SZT2: variants seen among roughly 807,000 people sequenced by gnomAD.
SZT2 encodes SZT2 subunit of KICSTOR complex.
In SZT2, 216 loss-of-function variants were observed where a neutral mutation model predicts 404.2. That is an observed-to-expected ratio of 0.53 (90% confidence interval 0.48 to 0.60). The LOEUF (loss-of-function observed/expected upper bound fraction) is 0.60. Ranked by LOEUF, SZT2 falls within the 20% of genes least tolerant of loss-of-function variation. The pLI is 0.00. For missense variants in SZT2, 3,857 were observed against 4,459.2 expected (o/e 0.86, Z 3.85); for synonymous variants, 1,693 against 1,749.9 (o/e 0.97, Z 0.81).
intron 52 of SZT2, 58 bp downstream of exon 52, chr1:43,440,644 C>G: frequency 6.7e-7 from 1 of 1,484,526 alleles, no homozygotes; most frequent in Non-Finnish European, 8.9e-7. Context: ...CTAGCTCCTC[C>G]CACACTCCCT....
In SZT2 at chr1:43,431,002, A is replaced by C. The variant is rs2153933930; in HGVS notation, c.4828A>C (p.Arg1610=). The change falls in exon 33 of 72, where the codon AGG becomes CGG. Residue 1610 remains arginine (R), a synonymous_variant. Coordinates refer to ENST00000634258, the MANE Select transcript of SZT2 (RefSeq NM_001365999.1). ...CCCAGTTGGAGGCCGAGTTCCCTTG[A>C]GGGACCTCAGTGTGACTCTGGATGT... ...GPPVGGRVPL[R]DLSVTLDVFM... 1 of 1,614,108 alleles carries C rather than the reference A, an allele frequency of 6.2e-7. No homozygotes were observed. Among genetic ancestry groups the C allele is most frequent in the Non-Finnish European group, 8.5e-7 (1 of 1,180,010 alleles).
In SZT2 at chr1:43,453,239, G is replaced by A. The variant is rs1458567051; in HGVS notation, c.*2759G>A. On this transcript the variant is annotated 3_prime_UTR_variant, in exon 72 of 72. Coordinates refer to ENST00000634258, the MANE Select transcript of SZT2 (RefSeq NM_001365999.1). The stretch of plus-strand genomic sequence containing the variant: ...GGCATAAGACAGATAAAATACAAAA[G>A]GCAATTTACAAAGGACCAGGACCGC... The A allele has an allele frequency of 9.3e-6, 6 of 646,438 alleles. No homozygotes were observed. The South Asian group carries it at 9.6e-5, about 10-fold the overall frequency. 40.0% of individuals were successfully genotyped at this position (646,438 alleles called of 1,614,324 possible).
chr1:43,404,694 GA>G, intron 4 of SZT2, 144 bp downstream of exon 4: 1 of 783,730 alleles, frequency 1.3e-6, no homozygotes, highest in South Asian at 2.0e-5. Context: ...TCATCCTCAT[GA>G]GTCTCTCTCT....
Position 43,439,986 on chromosome 1 carries a change from C to A in SZT2, c.7148C>A (p.Ala2383Asp). 6.2e-7 allele frequency: 1 copy of A among 1,614,160 alleles called. No homozygotes were observed. Among genetic ancestry groups the A allele is most frequent in the Non-Finnish European group, 8.5e-7 (1 of 1,179,998 alleles). ...CGAGGAGCAGCTCGCCAGGCCCTGG[C>A]CGATGCCATCATCGAGCTTCAGCTG... ...KLRGAARQAL[A>D]DAIIELQLLP... The change falls in exon 51 of 72, where the codon GCC (alanine) becomes GAC (aspartate). Residue 2383 changes from alanine to aspartate, a missense_variant. Transcript: ENST00000634258. The surrounding 1 kb of genome is among the most constrained non-coding windows in gnomAD (Gnocchi z 4.2).
At chr1:43,404,285 G>A (rs1473214976) in intron 3 of SZT2, 95 bp from the exon 4 acceptor site, 11 of 1,070,148 alleles carry the variant, frequency 1.0e-5, no homozygotes, top group African/African-American at 1.6e-5. Context: ...TCATCCATAA[G>A]TTAAGTGTCC....
chr1:43,401,157 G>C (rs982417319), intron 1 of SZT2, among the ~76,000 whole-genome samples: 3 of 152,052 alleles, frequency 2.0e-5, no homozygotes, highest in African/African-American at 7.2e-5. Context: ...ACTCCTAGGT[G>C]CAAACGGCCT....
intron 1 of SZT2, 142 bp downstream of exon 1, chr1:43,390,137 C>T: frequency 1.0e-6 from 1 of 981,252 alleles, no homozygotes; most frequent in South Asian, 2.5e-5. Flanking sequence ...CCGGAAGGCC[C>T]GACTATGGTA....
rs753832485 is a variant in SZT2 at position 43,424,281 on chromosome 1, C to G, written c.2320C>G (p.Leu774Val). The change falls in exon 16 of 72, where the codon CTG (leucine) becomes GTG (valine). Residue 774 changes from leucine (L) to valine (V), a missense_variant. Transcript: ENST00000634258. This position sits in a 1 kb window ranked among gnomAD's most constrained non-coding sequence, Gnocchi z 4.1. ...FLLTLEPPGP[L>V]PLVSGRSASS... The stretch of plus-strand genomic sequence containing the variant: ...GCTGACATTGGAGCCACCAGGTCCA[C>G]TGCCCTTGGTGTCAGGCCGCTCAGC... The G allele has an allele frequency of 6.3e-7, 1 of 1,598,034 alleles. No homozygotes were observed. The highest frequency in any genetic ancestry group is 8.5e-7 in the Non-Finnish European group (1 of 1,179,566).
At position 43,450,556 on chromosome 1, in the gene SZT2, T is replaced by C. The variant is rs1656274231; in HGVS notation, c.*76T>C. The C allele has an allele frequency of 2.5e-6, 4 of 1,585,498 alleles. No homozygotes were observed. The Admixed American group carries it at 5.1e-5, about 20-fold the overall frequency. On this transcript the variant is annotated 3_prime_UTR_variant, in exon 72 of 72. Coordinates refer to ENST00000634258, the MANE Select transcript of SZT2 (RefSeq NM_001365999.1). This position sits in a 1 kb window ranked among gnomAD's most constrained non-coding sequence, Gnocchi z 4.3. Reference sequence around the variant, plus strand: ...CCAGATTGCCTGCCAGAGGCAGGACTGACCAGCCCTTCTGGGCCCCAGGGC... The same window carrying C: ...CCAGATTGCCTGCCAGAGGCAGGACCGACCAGCCCTTCTGGGCCCCAGGGC...
chr1:43,431,511 C>T lies in SZT2; in HGVS notation c.5076C>T (p.Thr1692=). 6.2e-7 allele frequency: 1 copy of T among 1,614,178 alleles called. No individual in the cohort carries two copies. The highest frequency in any genetic ancestry group is 8.5e-7 in the Non-Finnish European group (1 of 1,180,026). ...LATPHRLAIE[T]TMNEIRWLLE... ...CGCCCCACAGACTGGCTATTGAGAC[C>T]ACCATGAATGAGGTGAGCCCCCCAC... Residue 1692 remains threonine (T), a synonymous_variant, in exon 35 of 72, where the codon ACC becomes ACT. Coordinates refer to ENST00000634258, the MANE Select transcript of SZT2 (RefSeq NM_001365999.1).
In SZT2 at chr1:43,406,849, G is replaced by A. The variant is rs1178849094; in HGVS notation, c.498+2299G>A. 2.0e-5 allele frequency: 3 copies of A among 152,252 alleles called. No individual in the cohort carries two copies. In the East Asian group the frequency reaches 5.8e-4, roughly 29 times the overall value. 9.4% of individuals were successfully genotyped at this position (152,252 alleles called of 1,614,324 possible). A position where few individuals can be genotyped will look rare whatever the true frequency, so the allele number is the denominator to read the frequency against. ...GATATTAACATTGCTTATATCATATGGTGATTGAATTAATACATGTCAAGC... is the reference window on the plus strand; with the variant it reads ...GATATTAACATTGCTTATATCATATAGTGATTGAATTAATACATGTCAAGC... On this transcript the variant is annotated intron_variant, in intron 4 of 71. Transcript: ENST00000634258.
intron 12 of SZT2, 101 bp from the exon 13 acceptor site, chr1:43,422,379 A>G (rs1652473695): frequency 1.3e-6 from 2 of 1,495,546 alleles, no homozygotes; most frequent in African/African-American, 1.4e-5. Context: ...TTCAGTCCCC[A>G]TAACCTCAGG....
At position 43,431,092 on chromosome 1, in the gene SZT2, TGTGGCAGCAAGTTTG is replaced by T; in HGVS notation, c.4916+7_4916+21del. ...GGCCTCGGACCCTCAGCACCACCGG[TGTGGCAGCAAGTTTG>T]GTGGGGGGTTTGGGACCTTTTTAGG... On this transcript the variant is annotated splice_donor_5th_base_variant and intron_variant, in intron 33 of 71. Transcript: ENST00000634258. The T allele has an allele frequency of 1.2e-6, 2 of 1,611,796 alleles. No individual in the cohort carries two copies. The highest frequency in any genetic ancestry group is 1.7e-6 in the Non-Finnish European group (2 of 1,179,264).
chr1:43,454,099 G>T lies in SZT2; in HGVS notation c.*3619G>T. On this transcript the variant is annotated 3_prime_UTR_variant, in exon 72 of 72. Coordinates refer to ENST00000634258, the MANE Select transcript of SZT2 (RefSeq NM_001365999.1). ...GGCCTGAGAGCCGGACGCGAAGCAA[G>T]AGAGAGCTGGCTGCCCGAGGGCCCG... The T allele has an allele frequency of 9.3e-7, 1 of 1,078,360 alleles. No homozygotes were observed. The highest frequency in any genetic ancestry group is 5.6e-5 in the East Asian group (1 of 17,778). 66.8% of individuals were successfully genotyped at this position (1,078,360 alleles called of 1,614,324 possible).
chr1:43,446,474 G>T, intron 65 of SZT2, 58 bp downstream of exon 65: 1 of 1,601,430 alleles, frequency 6.2e-7, no homozygotes, highest in Non-Finnish European at 8.6e-7. Context: ...GGGCAGCATG[G>T]CTCCATGTCC....
rs1355377557 is a variant in SZT2 at position 43,453,999 on chromosome 1, C to A, written c.*3519C>A. The A allele has an allele frequency of 2.3e-5, 27 of 1,178,678 alleles. No individual in the cohort carries two copies. Among genetic ancestry groups the A allele is most frequent in the Non-Finnish European group, 2.8e-5 (27 of 954,420 alleles). The allele number at this position is 1,178,678 out of a possible 1,614,324, so 73.0% of individuals were successfully genotyped here. A position where few individuals can be genotyped will look rare whatever the true frequency, so the allele number is the denominator to read the frequency against. On this transcript the variant is annotated 3_prime_UTR_variant, in exon 72 of 72. Coordinates refer to ENST00000634258, the MANE Select transcript of SZT2 (RefSeq NM_001365999.1). ...GCGAGAGAGGGATCACGGGGAGAGG[C>A]GAAGGGGCGGAGCGAGGGCGGCCGG...
rs954545899 is a variant in SZT2, at chr1:43,425,652, C to T, written c.2814+10C>T. Reference sequence around the variant, plus strand: ...TGAGATCCCGCAAGCTGTGAGTGTCCTCAGAACAGTACCCGCACCTCTCTC... The same window carrying T: ...TGAGATCCCGCAAGCTGTGAGTGTCTTCAGAACAGTACCCGCACCTCTCTC... On this transcript the variant is annotated intron_variant, in intron 19 of 71. Coordinates refer to ENST00000634258, the MANE Select transcript of SZT2 (RefSeq NM_001365999.1). The surrounding 1 kb of genome is among the most constrained non-coding windows in gnomAD (Gnocchi z 4.3). The T allele has an allele frequency of 7.4e-6, 12 of 1,613,416 alleles. No homozygotes were observed. The highest frequency in any genetic ancestry group is 1.0e-5 in the Non-Finnish European group (12 of 1,179,986).
Position 43,403,209 on chromosome 1 carries a change from G to T in SZT2, c.60G>T (p.Met20Ile), listed in dbSNP as rs896591242. Residue 20 changes from methionine to isoleucine, a missense_variant, in exon 2 of 72, where the codon ATG becomes ATT. Met to Ile is a conservative substitution (Grantham distance 10). Transcript: ENST00000634258. ...VEEAGQVFLL[M>I]KKDYRISRNV... Reference sequence around the variant, plus strand: ...AAGCTGGGCAGGTGTTCCTGTTAATGAAAAAGGATTATCGAATCTCCCGAA... The same window carrying T: ...AAGCTGGGCAGGTGTTCCTGTTAATTAAAAAGGATTATCGAATCTCCCGAA... 2 of 1,614,028 alleles carry T rather than the reference G, an allele frequency of 1.2e-6. No homozygotes were observed. The highest frequency in any genetic ancestry group is 1.7e-5 in the Admixed American group (1 of 59,996).
chr1:43,431,212 G>A (rs1016338918), intron 33 of SZT2, 53 bp from the exon 34 acceptor site: 3 of 1,558,848 alleles, frequency 1.9e-6, no homozygotes, highest in Non-Finnish European at 2.6e-6. Context: ...GTAAGGAGGA[G>A]GCCCTGGTAG....
Sources: allele counts gnomAD v4.1 joint callset (sites outside exome capture counted in the v4.1 genomes callset), GRCh38; gene constraint gnomAD v4.1.1; non-coding constraint Gnocchi (gnomAD v3.1); transcripts MANE v1.5; gene names NCBI Gene and HGNC (gene_info 2026-07-23, HGNC 2026-07-21).